Variants in MACF1 observed in about 807,000 individuals in gnomAD.
The protein encoded by MACF1 is microtubule-actin cross-linking factor 1.
In MACF1, 193 loss-of-function variants were observed where a neutral mutation model predicts 854.8. The ratio of observed to expected loss-of-function variants is 0.23; its 90% CI spans 0.20 to 0.25. The LOEUF (loss-of-function observed/expected upper bound fraction) is 0.25. MACF1 is among the 10% of genes least tolerant of loss of function. The pLI is 1.00. For missense variants in MACF1, 7,722 were observed against 8,929.1 expected, an observed-to-expected ratio of 0.86 and a Z score of 5.45; for synonymous variants, 3,185 against 3,226.7, an observed-to-expected ratio of 0.99 and a Z score of 0.44.
Position 39,368,273 on chromosome 1 carries a change from A to G in MACF1, c.12897A>G (p.Leu4299=). ...LCQHQDRVQN[L]RKDFTELQKT... ...AGCATCAGGACAGGGTACAGAATCT[A>G]AGAAAAGACTTCACAGAGCTACAGA... The change falls in exon 50 of 101, where the codon CTA becomes CTG. Residue 4299 remains leucine, a synonymous_variant. Transcript: ENST00000564288. 1 of 1,614,050 alleles carries G rather than the reference A, an allele frequency of 6.2e-7. No homozygotes were observed. Among genetic ancestry groups the G allele is most frequent in the Non-Finnish European group, 8.5e-7 (1 of 1,179,954 alleles).
Position 39,331,460 on chromosome 1 carries a change from G to A in MACF1, c.4872G>A (p.Arg1624=), listed in dbSNP as rs774659637. Residue 1624 remains arginine, a synonymous_variant, in exon 37 of 101, where the codon AGG becomes AGA. Coordinates refer to ENST00000564288, the MANE Select transcript of MACF1 (RefSeq NM_001394062.1). ...AGGATGCCCTGGCCTTAATAAGCAGGCTTACTGAGAGCAGAGGCCCTCTTT... is the reference window on the plus strand; with the variant it reads ...AGGATGCCCTGGCCTTAATAAGCAGACTTACTGAGAGCAGAGGCCCTCTTT... ...ELQDALALIS[R]LTESRGPLSV... 1.2e-6 allele frequency: 2 copies of A among 1,614,122 alleles called. No homozygotes were observed. The highest frequency in any genetic ancestry group is 1.7e-6 in the Non-Finnish European group (2 of 1,180,008).
intron 94 of MACF1, 55 bp downstream of exon 94, chr1:39,463,741 T>C: frequency 6.8e-7 from 1 of 1,473,130 alleles, no homozygotes; most frequent in Non-Finnish European, 9.5e-7. Context: ...ATGTGGCTGA[T>C]CCCACCTTTT....
chr1:39,166,163 G>A (rs916144169), intron 2 of MACF1, among the ~76,000 whole-genome samples: 1 of 151,810 alleles, frequency 6.6e-6, no homozygotes, highest in Non-Finnish European at 1.5e-5. Context: ...TGCCTCCCAG[G>A]TTCAAGTGAT....
At chr1:39,346,337 G>A (rs533586114) in intron 40 of MACF1, among the ~76,000 whole-genome samples, 1 of 151,972 alleles carries the variant, frequency 6.6e-6, no homozygotes, top group Non-Finnish European at 1.5e-5. Flanking sequence ...ACTCCAGCCT[G>A]GGTGACAGAG....
rs1447145886 is a variant in MACF1 at position 39,283,819 on chromosome 1, A to C, written c.916-247A>C. 6.6e-6 allele frequency among the ~76,000 whole-genome samples: 1 copy of C among 152,114 alleles called. No individual in the cohort carries two copies. The highest frequency in any genetic ancestry group is 2.4e-5 in the African/African-American group (1 of 41,374). ...CTTATGTATCAGCTTGATTAGGTAG[A>C]TCATGGCTCTTTTCAGAATATTTTT... On this transcript the variant is annotated intron_variant, in intron 9 of 100. Coordinates refer to ENST00000564288, the MANE Select transcript of MACF1 (RefSeq NM_001394062.1). This position sits in a 1 kb window ranked among gnomAD's most constrained non-coding sequence, Gnocchi z 4.5.
chr1:39,254,043 C>G (rs1021387082), intron 4 of MACF1: 1 of 406,336 alleles, frequency 2.5e-6, no homozygotes, highest in East Asian at 4.4e-5. Flanking sequence ...GGCATTGATT[C>G]GGCATTAGTG....
chr1:39,230,219 G>A (rs1284985956), intron 1 of MACF1, among the ~76,000 whole-genome samples: 1 of 152,172 alleles, frequency 6.6e-6, no homozygotes, highest in Admixed American at 6.5e-5. Context: ...TGTGGTGGCT[G>A]GACATGAATT....
At position 39,385,834 on chromosome 1, in the gene MACF1, T is replaced by C; in HGVS notation, c.14249T>C (p.Leu4750Pro). ...GAGGCTCAGACACTGTGCGATGAAC[T>C]CTCAGTGCTCATTGGTGAGCAGTAC... ...VKEAQTLCDE[L>P]SVLIGEQYLK... Residue 4750 changes from leucine (L) to proline (P), a missense_variant, in exon 57 of 101, where the codon CTC (leucine) becomes CCC (proline). Physicochemically the swap from Leu to Pro is moderately conservative, Grantham distance 98. Coordinates refer to ENST00000564288, the MANE Select transcript of MACF1 (RefSeq NM_001394062.1). 6.2e-7 allele frequency: 1 copy of C among 1,614,172 alleles called. No homozygotes were observed. The highest frequency in any genetic ancestry group is 8.5e-7 in the Non-Finnish European group (1 of 1,180,026).
rs200433032 is a variant in MACF1 at position 39,335,946 on chromosome 1, A to G, written c.9358A>G (p.Lys3120Glu). 6.2e-7 allele frequency: 1 copy of G among 1,614,046 alleles called. No individual in the cohort carries two copies. The highest frequency in any genetic ancestry group is 8.5e-7 in the Non-Finnish European group (1 of 1,180,010). ...EGLHYQESDG[K>E]AQVTGPSQIS... The stretch of plus-strand genomic sequence containing the variant: ...ATTGCACTACCAGGAATCAGATGGA[A>G]AAGCCCAAGTGACAGGCCCATCCCA... Residue 3120 changes from lysine to glutamate, a missense_variant, in exon 37 of 101, where the codon AAA becomes GAA. By Grantham distance (56) the Lys-to-Glu change is moderately conservative. This residue lies in a region of MACF1 where 854 missense variants were observed against 852.6 expected (regional missense o/e 1.00). Transcript: ENST00000564288.
At chr1:39,251,712 C>G (rs1645041943) in intron 3 of MACF1, 134 bp from the exon 4 acceptor site, 2 of 446,466 alleles carry the variant, frequency 4.5e-6, no homozygotes, top group South Asian at 1.5e-4. Flanking sequence ...AGTTTTGTAT[C>G]TTTTTCGGAG....
intron 2 of MACF1, among the ~76,000 whole-genome samples, chr1:39,190,984 CTG>C (rs1644248986): frequency 1.3e-5 from 2 of 151,984 alleles, no homozygotes; most frequent in South Asian, 2.1e-4. Flanking sequence ...CAGAGTGAGA[CTG>C]TGTCTCAAAA....
chr1:39,327,378 T>C, intron 36 of MACF1, 25 bp downstream of exon 36: 2 of 1,573,714 alleles, frequency 1.3e-6, no homozygotes, highest in Non-Finnish European at 1.7e-6. Flanking sequence ...CATCTCCAAA[T>C]ATTGGGTGGA....
intron 6 of MACF1, among the ~76,000 whole-genome samples, chr1:39,271,691 G>A (rs1242828947): frequency 6.6e-6 from 1 of 152,208 alleles, no homozygotes; most frequent in African/African-American, 2.4e-5. Flanking sequence ...AATTGAAATT[G>A]TGTAGTCATC....
intron 2 of MACF1, among the ~76,000 whole-genome samples, chr1:39,162,051 C>T (rs542479764): frequency 4.0e-5 from 6 of 151,744 alleles, no homozygotes; most frequent in South Asian, 2.1e-4. Flanking sequence ...TGACAGAGTA[C>T]ACCCTGTCTC....
chr1:39,463,548 T>C, intron 93 of MACF1, 64 bp from the exon 94 acceptor site: 1 of 1,177,846 alleles, frequency 8.5e-7, no homozygotes, highest in Admixed American at 1.8e-5. Flanking sequence ...TAAAAATCTT[T>C]GTTTCTCTGA....
chr1:39,111,033 C>T (rs1361256002), intron 2 of MACF1, among the ~76,000 whole-genome samples: 1 of 152,088 alleles, frequency 6.6e-6, no homozygotes, highest in East Asian at 1.9e-4. Context: ...GCCCTTTCAG[C>T]TTCTGATAAT....
intron 40 of MACF1, among the ~76,000 whole-genome samples, chr1:39,342,003 A>G (rs1646945603): frequency 6.6e-6 from 1 of 152,052 alleles, no homozygotes; most frequent in South Asian, 2.1e-4. Flanking sequence ...CACCTGGGTA[A>G]TAAGCATAGT....
At chr1:39,404,762 G>C (rs1363749041) in intron 58 of MACF1, among the ~76,000 whole-genome samples, 3 of 152,186 alleles carry the variant, frequency 2.0e-5, no homozygotes, top group African/African-American at 7.2e-5. Flanking sequence ...TGGAATTACA[G>C]GTGTGAGCCA....
At chr1:39,376,523 G>A (rs1390843892) in intron 52 of MACF1, among the ~76,000 whole-genome samples, 2 of 152,182 alleles carry the variant, frequency 1.3e-5, no homozygotes, top group Admixed American at 6.5e-5. Context: ...AACTGTGTTT[G>A]TAGATTAAGG....
Sources: gnomAD v4.1 joint callset for allele counts (sites outside exome capture counted in the v4.1 genomes callset) on GRCh38, gnomAD v4.1.1 for gene constraint, gnomAD v4.1.1 regional missense constraint, Gnocchi (gnomAD v3.1) non-coding constraint, MANE v1.5 for transcripts, NCBI Gene and HGNC (gene_info 2026-07-23, HGNC 2026-07-21) for gene names.